The following TULP4 variants were observed in gnomAD, a reference collection of about 807,000 sequenced individuals.
TULP4 encodes the protein tubby-related protein 4.
Under a neutral mutation model 129.0 loss-of-function variants are expected in TULP4, and 16 were observed. That is an observed-to-expected ratio of 0.12 (90% CI 0.08 to 0.19). The LOEUF is 0.19. Ranked by LOEUF, TULP4 falls within the 10% of genes least tolerant of loss-of-function variation. The pLI is 1.00. For missense variants in TULP4, 1,842 were observed against 2,059.1 expected (o/e 0.89, Z 2.04); for synonymous variants, 998 against 854.0 (o/e 1.17, Z -2.94).
chr6:158,448,975 G>A (rs988939321), intron 3 of TULP4, 21 bp from the exon 4 acceptor site: 3 of 1,587,234 alleles, frequency 1.9e-6, no homozygotes, highest in Non-Finnish European at 2.6e-6. Flanking sequence ...CTTGGTCAGA[G>A]GTCCCCATCC....
chr6:158,420,198 A>G (rs1778304060), intron 2 of TULP4, among the ~76,000 whole-genome samples: 1 of 152,256 alleles, frequency 6.6e-6, no homozygotes, highest in South Asian at 2.1e-4. Flanking sequence ...ATTTATGAAC[A>G]CTGAAATTTG....
chr6:158,473,729 C>T (rs1455034870), intron 6 of TULP4, among the ~76,000 whole-genome samples: 1 of 152,094 alleles, frequency 6.6e-6, no homozygotes, highest in Admixed American at 6.5e-5. Flanking sequence ...CCATGTTGGT[C>T]AGGCTGGTCT....
At chr6:158,232,722 G>A (rs928542067) in intron 1 of TULP4, among the ~76,000 whole-genome samples, 2 of 152,234 alleles carry the variant, frequency 1.3e-5, no homozygotes, top group Non-Finnish European at 2.9e-5. Context: ...CAGGGAGACT[G>A]GGCTGCGCTC....
intron 1 of TULP4, among the ~76,000 whole-genome samples, chr6:158,256,546 T>G (rs262824): frequency 0.064 from 9,782 of 152,266 alleles, 379 homozygotes; most frequent in East Asian, 0.092. Flanking sequence ...AATAAAATGT[T>G]GAGGATGTAT....
intron 1 of TULP4, among the ~76,000 whole-genome samples, chr6:158,323,826 A>G (rs1018332448): frequency 1.3e-5 from 2 of 152,234 alleles, no homozygotes; most frequent in African/African-American, 2.4e-5. Flanking sequence ...TAAGTCCTCA[A>G]TATTGTTAAG....
chr6:158,388,924 G>A (rs1343986300), intron 1 of TULP4, among the ~76,000 whole-genome samples: 2 of 152,136 alleles, frequency 1.3e-5, no homozygotes, highest in South Asian at 2.1e-4. Flanking sequence ...CTCCCACCAC[G>A]GGTAGCTGCC....
Position 158,511,256 on chromosome 6 carries a change from C to T in TULP4, c.*4562C>T, listed in dbSNP as rs1163171129. 2.0e-5 allele frequency: 3 copies of T among 152,362 alleles called. No individual in the cohort carries two copies. The highest frequency in any genetic ancestry group is 2.4e-5 in the African/African-American group (1 of 41,340). The allele number at this position is 152,362 out of a possible 1,614,324, so 9.4% of individuals were successfully genotyped here. The stretch of plus-strand genomic sequence containing the variant: ...GTGTTGTAGAAAAGCATGGGTTATG[C>T]GTTTGACTGAAAAAGACACTGTATT... On this transcript the variant is annotated 3_prime_UTR_variant, in exon 14 of 14. Transcript: ENST00000367097.
chr6:158,353,656 A>T (rs1005538601), intron 1 of TULP4, among the ~76,000 whole-genome samples: 3 of 152,156 alleles, frequency 2.0e-5, no homozygotes, highest in African/African-American at 7.2e-5. Context: ...CACTTTATTG[A>T]GTGCTATTTG....
rs1350830019 is a variant in TULP4, at chr6:158,380,911, A to AAAAAAAG, written c.253-32153_253-32152insAAAAAGA. ...TCTGTCTCCAAAAAAAAAAAAAAAA[A>AAAAAAAG]AGAAGAAGAAGAAGAAAGAGGTTTC... On this transcript the variant is annotated intron_variant, in intron 1 of 13. Coordinates refer to ENST00000367097, the MANE Select transcript of TULP4 (RefSeq NM_020245.5). 1.5e-3 allele frequency among the ~76,000 whole-genome samples: 156 copies of AAAAAAAG among 101,836 alleles called. 1 individual carries two copies. The highest frequency in any genetic ancestry group is 4.2e-3 in the African/African-American group (147 of 35,382). 66.8% of individuals were successfully genotyped at this position (101,836 alleles called of 152,430 possible). A position where few individuals can be genotyped will look rare whatever the true frequency, so the allele number is the denominator to read the frequency against.
chr6:158,309,323 T>C (rs1779291384), upstream of TULP4, among the ~76,000 whole-genome samples: 2 of 135,548 alleles, frequency 1.5e-5, no homozygotes, highest in African/African-American at 2.8e-5. Context: ...TCCCCACATC[T>C]CAGACCATGG....
In TULP4 at chr6:158,509,618, A is replaced by G. The variant is rs1780685927; in HGVS notation, c.*2924A>G. The G allele has an allele frequency of 6.6e-6, 1 of 152,254 alleles. No homozygotes were observed. The highest frequency in any genetic ancestry group is 2.1e-4 in the South Asian group (1 of 4,832). 9.4% of individuals were successfully genotyped at this position (152,254 alleles called of 1,614,324 possible). On this transcript the variant is annotated 3_prime_UTR_variant, in exon 14 of 14. Transcript: ENST00000367097. ...AGCAAATAATTAACTAAGCTTCTAA[A>G]TGCCTAGCTCCCTCCCCCAAAGGCG...
chr6:158,295,160 A>G (rs991623310), intron 1 of TULP4, among the ~76,000 whole-genome samples: 3 of 152,072 alleles, frequency 2.0e-5, no homozygotes, highest in Admixed American at 6.6e-5. Context: ...TTCCAAATCT[A>G]CTTTTCTGTT....
chr6:158,468,110 T>C (rs1278061087), intron 6 of TULP4, among the ~76,000 whole-genome samples: 1 of 152,226 alleles, frequency 6.6e-6, no homozygotes, highest in Admixed American at 6.5e-5. Context: ...GTGTAAACAG[T>C]TGCGACTCCA....
chr6:158,239,936 A>G (rs1199610290), intron 1 of TULP4, among the ~76,000 whole-genome samples: 147 of 16,872 alleles, frequency 8.7e-3, no homozygotes, highest in African/African-American at 0.014. Flanking sequence ...CTGGCCGGGC[A>G]GGGGGGCTGA....
chr6:158,275,098 T>C (rs1300266479), intron 1 of TULP4, among the ~76,000 whole-genome samples: 1 of 152,248 alleles, frequency 6.6e-6, no homozygotes. Flanking sequence ...TGTTCTGAGT[T>C]CCAAAAGAGC....
At chr6:158,311,964 T>C, upstream of TULP4, 1 of 394,348 alleles carries the variant, frequency 2.5e-6, no homozygotes, top group Non-Finnish European at 4.5e-6. Context: ...GGGTCTCTCA[T>C]TTCAGTTTCA....
intron 11 of TULP4, among the ~76,000 whole-genome samples, chr6:158,498,048 G>A (rs1487584563): frequency 6.6e-6 from 1 of 152,104 alleles, no homozygotes; most frequent in Non-Finnish European, 1.5e-5. Flanking sequence ...TCTCCTACAT[G>A]TCCCTGTTAA....
intron 2 of TULP4, among the ~76,000 whole-genome samples, chr6:158,423,156 C>A (rs201039558): frequency 6.6e-6 from 1 of 151,928 alleles, no homozygotes; most frequent in East Asian, 1.9e-4. Flanking sequence ...TCCCAGGACC[C>A]CTTTTCCTCT....
intron 6 of TULP4, among the ~76,000 whole-genome samples, chr6:158,471,217 TAA>T (rs3085515): frequency 0.42 from 63,429 of 151,924 alleles, 14,522 homozygotes; most frequent in African/African-American, 0.62. Context: ...CTCAATAAGC[TAA>T]AAAGGCAGGA....
Sources: gnomAD v4.1 joint callset for allele counts (sites outside exome capture counted in the v4.1 genomes callset) on GRCh38, gnomAD v4.1.1 for gene constraint, MANE v1.5 for transcripts, NCBI Gene and HGNC (gene_info 2026-07-23, HGNC 2026-07-21) for gene names.